Variants in HSF2 observed in about 807,000 individuals in gnomAD.
HSF2 encodes heat shock factor protein 2.
In HSF2, 21 loss-of-function variants were observed where a neutral mutation model predicts 65.0. The observed-to-expected ratio is 0.32, with a 90% confidence interval of 0.23 to 0.47. The LOEUF (loss-of-function observed/expected upper bound fraction) is 0.47, where lower values mean the gene tolerates loss of function less well. Ranked by LOEUF, HSF2 falls within the 20% of genes least tolerant of loss-of-function variation. HSF2 has a pLI of 1.00. For synonymous variants in HSF2, 225 were observed against 219.1 expected (o/e 1.03, Z -0.24); for missense variants, 499 against 628.1 (o/e 0.79, Z 2.20).
chr6:122,406,201 T>A (rs1386588248), intron 1 of HSF2, among the ~76,000 whole-genome samples: 1 of 152,168 alleles, frequency 6.6e-6, no homozygotes, highest in Non-Finnish European at 1.5e-5. Context: ...TTTGGAGCAA[T>A]AAATTGATAA....
intron 11 of HSF2, 53 bp downstream of exon 11, chr6:122,428,009 AC>A: frequency 8.3e-7 from 1 of 1,208,258 alleles, no homozygotes; most frequent in Non-Finnish European, 1.2e-6. Context: ...ATCTACAAAA[AC>A]GTCCTAATAA....
At chr6:122,405,382 A>G (rs1773847474) in intron 1 of HSF2, among the ~76,000 whole-genome samples, 2 of 152,222 alleles carry the variant, frequency 1.3e-5, no homozygotes, top group Non-Finnish European at 2.9e-5. Context: ...ATAAGTCAGA[A>G]GCCACAGGTA....
chr6:122,412,911 G>A, intron 3 of HSF2, 147 bp downstream of exon 3: 1 of 711,470 alleles, frequency 1.4e-6, no homozygotes, highest in African/African-American at 1.9e-5. Context: ...TTGTTTCCCT[G>A]TATTTTTTTC....
intron 5 of HSF2, among the ~76,000 whole-genome samples, chr6:122,418,197 A>G (rs1420078017): frequency 2.0e-5 from 3 of 152,202 alleles, no homozygotes; most frequent in Non-Finnish European, 2.9e-5. Context: ...TCAGTGATAT[A>G]CTACTTTTTA....
At chr6:122,404,144 C>G (rs903467623) in intron 1 of HSF2, among the ~76,000 whole-genome samples, 2 of 152,128 alleles carry the variant, frequency 1.3e-5, no homozygotes, top group African/African-American at 2.4e-5. Context: ...GCTTCTCTAT[C>G]CCCCTCATGT....
intron 5 of HSF2, among the ~76,000 whole-genome samples, chr6:122,418,951 G>A (rs1774178434): frequency 1.3e-5 from 2 of 152,146 alleles, no homozygotes. Flanking sequence ...AGCCAGGCAA[G>A]TTTGGTACTT....
At chr6:122,425,053 C>T (rs183040665) in intron 10 of HSF2, among the ~76,000 whole-genome samples, 17 of 152,020 alleles carry the variant, frequency 1.1e-4, no homozygotes, top group Admixed American at 7.9e-4. Context: ...CCAATGTGTA[C>T]CCCTATCCTT....
At chr6:122,426,196 G>C (rs1484641717) in intron 10 of HSF2, among the ~76,000 whole-genome samples, 1 of 152,014 alleles carries the variant, frequency 6.6e-6, no homozygotes, top group Non-Finnish European at 1.5e-5. Context: ...ATGCTGCTTT[G>C]TTCTCTGAGA....
rs45494697 is a variant in HSF2, at chr6:122,423,023, T to C, written c.1070+66T>C. On this transcript the variant is annotated intron_variant, in intron 9 of 12. Transcript: ENST00000368455. ...CTTTGTTCACTTCACATGTTCTGTTTCTCTTTGAGTAATCTTCCTTTCAGA... is the reference window on the plus strand; with the variant it reads ...CTTTGTTCACTTCACATGTTCTGTTCCTCTTTGAGTAATCTTCCTTTCAGA... 2.3e-3 allele frequency: 3,490 copies of C among 1,550,508 alleles called. 94 individuals are homozygous for C. In the East Asian group the frequency reaches 0.056, roughly 25 times the overall value.
chr6:122,403,441 A>G (rs1343144874), intron 1 of HSF2, among the ~76,000 whole-genome samples: 1 of 152,090 alleles, frequency 6.6e-6, no homozygotes, highest in Non-Finnish European at 1.5e-5. Flanking sequence ...CCCTGTCTCT[A>G]CAAAAAAATA....
At position 122,422,838 on chromosome 6, in the gene HSF2, T is replaced by A; in HGVS notation, c.951T>A (p.Asp317Glu). The change falls in exon 9 of 13, where the codon GAT becomes GAA. Residue 317 changes from aspartate to glutamate, a missense_variant. This residue lies in a region of HSF2 where 349 missense variants were observed against 393.5 expected (regional missense o/e 0.89). Transcript: ENST00000368455. ...PARESLSSGS[D>E]GSSPLMSSAV... is the part of the protein sequence containing the mutation. Reference sequence around the variant, plus strand: ...GAGAATCCCTAAGTTCAGGCAGTGATGGCAGCAGCCCTCTCATGTCTAGTG... The same window carrying A: ...GAGAATCCCTAAGTTCAGGCAGTGAAGGCAGCAGCCCTCTCATGTCTAGTG... The A allele has an allele frequency of 6.2e-7, 1 of 1,613,794 alleles. No individual in the cohort carries two copies. Among genetic ancestry groups the A allele is most frequent in the Non-Finnish European group, 8.5e-7 (1 of 1,179,816 alleles).
chr6:122,416,192 G>C (rs779973951), intron 4 of HSF2, 29 bp from the exon 5 acceptor site: 4 of 1,379,308 alleles, frequency 2.9e-6, no homozygotes, highest in Admixed American at 3.8e-5. Flanking sequence ...TTTTTTTTTT[G>C]TTTTGTTGCT....
chr6:122,414,866 A>G (rs953609760), intron 4 of HSF2, among the ~76,000 whole-genome samples: 7 of 152,082 alleles, frequency 4.6e-5, no homozygotes, highest in African/African-American at 9.7e-5. Context: ...ATCCGCCCAC[A>G]TCGGCCTTTC....
At chr6:122,417,019 T>C (rs1418567450) in intron 5 of HSF2, among the ~76,000 whole-genome samples, 1 of 152,184 alleles carries the variant, frequency 6.6e-6, no homozygotes. Context: ...TTCTGATTGC[T>C]CCTGCTTAGA....
chr6:122,423,432 T>A, intron 9 of HSF2, 149 bp from the exon 10 acceptor site: 1 of 484,966 alleles, frequency 2.1e-6, no homozygotes, highest in Non-Finnish European at 3.6e-6. Context: ...CAAGAATTCC[T>A]ACTCTAGAAT....
At chr6:122,426,973 G>A (rs1774351772) in intron 10 of HSF2, among the ~76,000 whole-genome samples, 1 of 152,120 alleles carries the variant, frequency 6.6e-6, no homozygotes, top group African/African-American at 2.4e-5. Context: ...ATACCCGTGT[G>A]TTCTTCCCCT....
chr6:122,430,045 C>A (rs1180376172), intron 11 of HSF2, among the ~76,000 whole-genome samples: 1 of 152,152 alleles, frequency 6.6e-6, no homozygotes, highest in Non-Finnish European at 1.5e-5. Context: ...GGAGGAGTCC[C>A]TCTTTTTCTG....
chr6:122,422,128 AT>A, intron 7 of HSF2, 21 bp from the exon 8 acceptor site: 1 of 1,534,602 alleles, frequency 6.5e-7, no homozygotes, highest in Non-Finnish European at 8.8e-7. Context: ...TTTTAGATAT[AT>A]TTTTCTCTCT....
At chr6:122,430,692 TA>T (rs568178850) in intron 11 of HSF2, among the ~76,000 whole-genome samples, 6 of 152,170 alleles carry the variant, frequency 3.9e-5, no homozygotes, top group Non-Finnish European at 8.8e-5. Flanking sequence ...AGCCAGCATG[TA>T]GATCTGGGAC....
Sources: gnomAD v4.1 joint callset for allele counts (sites outside exome capture counted in the v4.1 genomes callset) on GRCh38, gnomAD v4.1.1 for gene constraint, gnomAD v4.1.1 regional missense constraint, MANE v1.5 for transcripts, NCBI Gene and HGNC (gene_info 2026-07-23, HGNC 2026-07-21) for gene names.